The following ARL5B variants were observed in gnomAD, a reference collection of about 807,000 sequenced individuals.
ARL5B encodes the protein ADP-ribosylation factor-like protein 5B.
A neutral mutation model predicts 26.9 loss-of-function variants in ARL5B; 10 were observed. The ratio of observed to expected loss-of-function variants is 0.37; its 90% confidence interval spans 0.23 to 0.63. The LOEUF (loss-of-function observed/expected upper bound fraction) is 0.63, where lower values mean the gene tolerates loss of function less well. ARL5B is among the 30% of genes least tolerant of loss of function. The pLI, the probability that ARL5B is intolerant of heterozygous loss-of-function variation, is 0.62. For missense variants in ARL5B, 167 were observed against 213.9 expected (o/e 0.78, Z 1.37); for synonymous variants, 87 against 70.4 (o/e 1.24, Z -1.18).
chr10:18,664,629 A>G (rs943583022), intron 1 of ARL5B, among the ~76,000 whole-genome samples: 3 of 150,676 alleles, frequency 2.0e-5, no homozygotes, highest in Non-Finnish European at 3.0e-5. Context: ...TTGTAGAGAC[A>G]GGGTTTCACC....
rs1327197820 is a variant in ARL5B at position 18,677,503 on chromosome 10, G to A, written c.*2287G>A. Reference sequence around the variant, plus strand: ...CTGATTGGGAAAAGTTCATGATTAGGAAATTCATGTAAGACTTTTTAAGAG... The same window carrying A: ...CTGATTGGGAAAAGTTCATGATTAGAAAATTCATGTAAGACTTTTTAAGAG... On this transcript the variant is annotated 3_prime_UTR_variant, in exon 6 of 6. Transcript: ENST00000377275. 1 of 152,138 alleles carries A rather than the reference G, an allele frequency of 6.6e-6. No individual in the cohort carries two copies. Among genetic ancestry groups the A allele is most frequent in the Non-Finnish European group, 1.5e-5 (1 of 67,742 alleles). 9.4% of individuals were successfully genotyped at this position (152,138 alleles called of 1,614,324 possible).
At chr10:18,661,199 A>G (rs2059834637) in intron 1 of ARL5B, among the ~76,000 whole-genome samples, 1 of 152,236 alleles carries the variant, frequency 6.6e-6, no homozygotes, top group Non-Finnish European at 1.5e-5. Flanking sequence ...TAATACAAAA[A>G]TCACCAGTTT....
rs1683149330 is a variant in ARL5B, at chr10:18,681,458, T to C, written c.*6242T>C. The C allele has an allele frequency of 6.6e-6, 1 of 152,224 alleles. No individual in the cohort carries two copies. Among genetic ancestry groups the C allele is most frequent in the Non-Finnish European group, 1.5e-5 (1 of 68,034 alleles). 9.4% of individuals were successfully genotyped at this position (152,224 alleles called of 1,614,324 possible). A position where few individuals can be genotyped will look rare whatever the true frequency, so the allele number is the denominator to read the frequency against. On this transcript the variant is annotated 3_prime_UTR_variant, in exon 6 of 6. Coordinates refer to ENST00000377275, the MANE Select transcript of ARL5B (RefSeq NM_178815.5). ...CTCATAATTTTTATTTCTGCAATTA[T>C]GTTATAATGAGTTGTTTGCATGCCT...
chr10:18,663,241 C>T (rs966255372), intron 1 of ARL5B, among the ~76,000 whole-genome samples: 1 of 152,070 alleles, frequency 6.6e-6, no homozygotes, highest in African/African-American at 2.4e-5. Flanking sequence ...CTCCTGACCT[C>T]AGGTGATCTA....
chr10:18,667,482 AACATC>A (rs1301046259), intron 2 of ARL5B, among the ~76,000 whole-genome samples: 1 of 152,168 alleles, frequency 6.6e-6, no homozygotes, highest in Non-Finnish European at 1.5e-5. Flanking sequence ...TTAGCTTTTA[AACATC>A]ACATATAAAC....
chr10:18,659,739 C>T (rs1230995143), intron 1 of ARL5B, 56 bp downstream of exon 1: 8 of 1,593,780 alleles, frequency 5.0e-6, no homozygotes, highest in Non-Finnish European at 6.0e-6. Context: ...GTCCCGCCGC[C>T]GATGGGGACA....
chr10:18,669,443 A>G (rs1336749055), intron 3 of ARL5B, among the ~76,000 whole-genome samples: 2 of 152,180 alleles, frequency 1.3e-5, no homozygotes, highest in South Asian at 4.1e-4. Flanking sequence ...ATTAGAAAAA[A>G]GTAGATTTGC....
At chr10:18,666,363 A>G (rs1047193944) in intron 1 of ARL5B, among the ~76,000 whole-genome samples, 2 of 152,236 alleles carry the variant, frequency 1.3e-5, no homozygotes, top group African/African-American at 4.8e-5. Flanking sequence ...ATTCTTTTAC[A>G]TGAGAACTAG....
chr10:18,670,140 A>G (rs990358166), intron 3 of ARL5B, among the ~76,000 whole-genome samples: 5 of 152,176 alleles, frequency 3.3e-5, no homozygotes, highest in Admixed American at 6.5e-5. Flanking sequence ...GTATGTGTGT[A>G]TATATTCCAA....
At chr10:18,672,535 A>G (rs2059892464) in intron 3 of ARL5B, 87 bp from the exon 4 acceptor site, 2 of 880,882 alleles carry the variant, frequency 2.3e-6, no homozygotes, top group African/African-American at 3.4e-5. Context: ...CCATGTAGAG[A>G]AAGTACTTAG....
intron 2 of ARL5B, among the ~76,000 whole-genome samples, chr10:18,667,153 G>T (rs1832361921): frequency 6.6e-6 from 1 of 152,168 alleles, no homozygotes; most frequent in Non-Finnish European, 1.5e-5. Context: ...CATTCCACTT[G>T]TCAGAGTACC....
At chr10:18,675,072 G>A (rs1412226630) in intron 5 of ARL5B, 96 bp from the exon 6 acceptor site, 2 of 1,051,812 alleles carry the variant, frequency 1.9e-6, no homozygotes, top group Non-Finnish European at 2.8e-6. Flanking sequence ...TAATGATTGT[G>A]CTACCAGCCT....
At chr10:18,667,649 T>C (rs1426736218) in intron 2 of ARL5B, among the ~76,000 whole-genome samples, 1 of 151,956 alleles carries the variant, frequency 6.6e-6, no homozygotes, top group Non-Finnish European at 1.5e-5. Context: ...TAATGTAGCT[T>C]TACCAATGAT....
intron 2 of ARL5B, among the ~76,000 whole-genome samples, chr10:18,667,987 C>G (rs1184977735): frequency 6.6e-6 from 1 of 152,100 alleles, no homozygotes; most frequent in African/African-American, 2.4e-5. Context: ...TAGGTGTGAG[C>G]CACCACACCT....
At chr10:18,668,718 T>G (rs10741127) in intron 3 of ARL5B, 41 bp downstream of exon 3, 619,119 of 1,596,012 alleles carry the variant, frequency 0.39, 127,735 homozygotes, top group East Asian at 0.87. Context: ...CAAAGGTCCC[T>G]AGAGTAAACA....
Position 18,674,028 on chromosome 10 carries a change from T to C in ARL5B, c.384T>C (p.Asp128=). 6.2e-7 allele frequency: 1 copy of C among 1,613,080 alleles called. No homozygotes were observed. Among genetic ancestry groups the C allele is most frequent in the Non-Finnish European group, 8.5e-7 (1 of 1,179,524 alleles). The part of the protein sequence containing the change: ...AAVLIFANKQ[D]MKGCMTAAEI... ...TCCTTATCTTTGCAAATAAACAGGA[T>C]ATGAAAGGGTGTATGACAGCAGCTG... Residue 128 remains aspartate (D), a synonymous_variant, in exon 5 of 6, where the codon GAT becomes GAC. Coordinates refer to ENST00000377275, the MANE Select transcript of ARL5B (RefSeq NM_178815.5).
chr10:18,661,714 G>C (rs2059837711), intron 1 of ARL5B, among the ~76,000 whole-genome samples: 1 of 152,194 alleles, frequency 6.6e-6, no homozygotes, highest in Admixed American at 6.5e-5. Context: ...AACGTTGGCT[G>C]CAGCACAAGG....
At chr10:18,671,779 C>T (rs908591310) in intron 3 of ARL5B, among the ~76,000 whole-genome samples, 9 of 151,976 alleles carry the variant, frequency 5.9e-5, no homozygotes, top group Non-Finnish European at 1.3e-4. Context: ...AGTCCTCCCA[C>T]CTTAGCCTCC....
chr10:18,660,591 G>T (rs528376235), intron 1 of ARL5B, among the ~76,000 whole-genome samples: 1 of 152,300 alleles, frequency 6.6e-6, no homozygotes, highest in Admixed American at 6.5e-5. Flanking sequence ...TACTGCTAAT[G>T]TAGGTATCTA....
Sources: allele counts gnomAD v4.1 joint callset (sites outside exome capture counted in the v4.1 genomes callset), GRCh38; gene constraint gnomAD v4.1.1; transcripts MANE v1.5; gene names NCBI Gene and HGNC (gene_info 2026-07-23, HGNC 2026-07-21).